Variants in PALS1 observed in about 807,000 individuals in gnomAD.
The protein encoded by PALS1 is protein associated with LIN7 1, MAGUK p55 family member.
In PALS1, 31 loss-of-function variants were observed where a neutral mutation model predicts 78.9. The observed-to-expected ratio is 0.39, with a 90% CI of 0.30 to 0.53. The LOEUF (loss-of-function observed/expected upper bound fraction) is 0.53, where lower values mean the gene tolerates loss of function less well. PALS1 is among the 20% of genes least tolerant of loss of function. PALS1 has a pLI of 0.67. For synonymous variants in PALS1, 276 were observed against 270.9 expected (o/e 1.02, Z -0.18); for missense variants, 704 against 826.5 (o/e 0.85, Z 1.82).
intron 3 of PALS1, 37 bp downstream of exon 3, chr14:67,279,574 CTTTAA>C (rs1440073032): frequency 4.7e-5 from 71 of 1,495,000 alleles, no homozygotes; most frequent in Non-Finnish European, 5.8e-5. Context: ...AAACATTTTG[CTTTAA>C]TTTATCTGTG....
At chr14:67,326,117 G>A in intron 14 of PALS1, among the ~76,000 whole-genome samples, 1 of 149,220 alleles carries the variant, frequency 6.7e-6, no homozygotes, top group East Asian at 2.0e-4. Flanking sequence ...GAGCCACCGT[G>A]CCCGGCCAGC....
intron 8 of PALS1, 40 bp from the exon 9 acceptor site, chr14:67,312,487 A>C (rs1399432724): frequency 7.2e-7 from 1 of 1,382,354 alleles, no homozygotes. Flanking sequence ...AACATTTTAT[A>C]TTGCCATTTA....
chr14:67,315,862 T>C (rs1244777582), intron 9 of PALS1, among the ~76,000 whole-genome samples: 1 of 152,164 alleles, frequency 6.6e-6, no homozygotes, highest in Non-Finnish European at 1.5e-5. Context: ...AAGGCGGAGG[T>C]TGCGGTGAGC....
intron 4 of PALS1, among the ~76,000 whole-genome samples, chr14:67,297,374 TTAA>T (rs1253055725): frequency 3.3e-5 from 5 of 152,220 alleles, no homozygotes; most frequent in African/African-American, 1.2e-4. Context: ...AATGGAAGAA[TTAA>T]TAAACTATTA....
intron 1 of PALS1, among the ~76,000 whole-genome samples, chr14:67,268,498 T>C (rs2084364591): frequency 6.6e-6 from 1 of 152,184 alleles, no homozygotes; most frequent in Non-Finnish European, 1.5e-5. Flanking sequence ...TACTTCTTGA[T>C]TATATTCTAA....
At position 67,289,768 on chromosome 14, in the gene PALS1, C is replaced by CTTTTTTTT. The variant is rs1491090879; in HGVS notation, c.368-2743_368-2742insTTTTTTTT. Reference sequence around the variant, plus strand: ...ACATTGGGAAGATTTTTTTCCATGTCCTTTTTTTTTTTTTTTTTTTTTGAG... The same window carrying CTTTTTTTT: ...ACATTGGGAAGATTTTTTTCCATGTCTTTTTTTTCTTTTTTTTTTTTTTTTTTTTTGAG... On this transcript the variant is annotated intron_variant, in intron 3 of 14. Transcript: ENST00000261681. 3.1e-5 allele frequency among the ~76,000 whole-genome samples: 3 copies of CTTTTTTTT among 95,508 alleles called. 1 individual carries two copies. Among genetic ancestry groups the CTTTTTTTT allele is most frequent in the Non-Finnish European group, 6.4e-5 (3 of 46,860 alleles). The allele number at this position is 95,508 out of a possible 152,430, so 62.7% of individuals were successfully genotyped here.
intron 1 of PALS1, among the ~76,000 whole-genome samples, chr14:67,265,142 C>T (rs1278914207): frequency 6.6e-6 from 1 of 152,098 alleles, no homozygotes; most frequent in Admixed American, 6.6e-5. Context: ...GCAGTTGTTT[C>T]TTTGGAATGT....
At chr14:67,316,531 A>C (rs568268773) in intron 9 of PALS1, among the ~76,000 whole-genome samples, 8 of 152,350 alleles carry the variant, frequency 5.3e-5, no homozygotes, top group African/African-American at 1.9e-4. Context: ...CCAGGATAGT[A>C]CTTTTCCACA....
chr14:67,302,666 C>T (rs1236739586), intron 7 of PALS1, 95 bp downstream of exon 7: 1 of 972,262 alleles, frequency 1.0e-6, no homozygotes, highest in Non-Finnish European at 1.4e-6. Context: ...GTTAAGAGCA[C>T]TAGATGATTT....
intron 4 of PALS1, among the ~76,000 whole-genome samples, chr14:67,295,400 GA>G (rs2084833129): frequency 6.6e-6 from 1 of 151,216 alleles, no homozygotes; most frequent in Non-Finnish European, 1.5e-5. Flanking sequence ...TGAGGCAGGA[GA>G]ATCACTTAAA....
At chr14:67,293,618 G>A (rs781000694) in intron 4 of PALS1, among the ~76,000 whole-genome samples, 6 of 151,970 alleles carry the variant, frequency 3.9e-5, no homozygotes, top group Non-Finnish European at 7.4e-5. Context: ...CTTTTCTTAC[G>A]GAGATTGAAA....
intron 8 of PALS1, among the ~76,000 whole-genome samples, chr14:67,305,463 G>A (rs1306129677): frequency 6.6e-6 from 1 of 152,040 alleles, no homozygotes; most frequent in Non-Finnish European, 1.5e-5. Context: ...TGTACTTTTG[G>A]TAGAGATGGC....
intron 10 of PALS1, 75 bp from the exon 11 acceptor site, chr14:67,317,333 A>G: frequency 8.1e-7 from 1 of 1,239,294 alleles, no homozygotes; most frequent in East Asian, 2.4e-5. Context: ...ATGAATAAAT[A>G]GAGTTCTTCA....
chr14:67,259,468 CG>C (rs1472529907), intron 1 of PALS1, among the ~76,000 whole-genome samples: 3 of 151,756 alleles, frequency 2.0e-5, no homozygotes, highest in Non-Finnish European at 4.4e-5. Flanking sequence ...AAAAATCAGC[CG>C]GGTGTAGTGT....
chr14:67,256,193 T>C (rs141659082), intron 1 of PALS1, among the ~76,000 whole-genome samples: 1,732 of 152,346 alleles, frequency 0.011, 17 homozygotes, highest in Non-Finnish European at 0.018. Context: ...AGATATTAGT[T>C]GAAAACAATA....
chr14:67,264,788 A>G (rs2084293504), intron 1 of PALS1, among the ~76,000 whole-genome samples: 1 of 152,202 alleles, frequency 6.6e-6, no homozygotes, highest in South Asian at 2.1e-4. Context: ...TTGTAAACTA[A>G]ATCTTTCAGT....
intron 1 of PALS1, among the ~76,000 whole-genome samples, chr14:67,248,229 A>G (rs1240327197): frequency 1.3e-5 from 2 of 152,164 alleles, no homozygotes; most frequent in Non-Finnish European, 2.9e-5. Flanking sequence ...ATTAACATTT[A>G]TTCTTAAAAA....
At chr14:67,283,017 A>G (rs987075816) in intron 3 of PALS1, among the ~76,000 whole-genome samples, 3 of 152,124 alleles carry the variant, frequency 2.0e-5, no homozygotes, top group African/African-American at 7.2e-5. Context: ...TGACTATAAA[A>G]TTGTTGTCTT....
rs1445891505 is a variant in PALS1, at chr14:67,332,820, T to C, written c.1892T>C (p.Met631Thr). ...GAAATCATTGAGAAGACAAGAGAGATGGAGCAGAACAATGGCCACTACTTT... is the reference window on the plus strand; with the variant it reads ...GAAATCATTGAGAAGACAAGAGAGACGGAGCAGAACAATGGCCACTACTTT... ...LREIIEKTRE[M>T]EQNNGHYFDT... Residue 631 changes from methionine to threonine, a missense_variant, in exon 15 of 15, where the codon ATG (methionine) becomes ACG (threonine). Physicochemically the swap from Met to Thr is moderately conservative, Grantham distance 81. Coordinates refer to ENST00000261681, the MANE Select transcript of PALS1 (RefSeq NM_022474.4). 6.2e-7 allele frequency: 1 copy of C among 1,613,498 alleles called. No homozygotes were observed. The highest frequency in any genetic ancestry group is 8.5e-7 in the Non-Finnish European group (1 of 1,179,590).
Sources: gnomAD v4.1 joint callset for allele counts (sites outside exome capture counted in the v4.1 genomes callset) on GRCh38, gnomAD v4.1.1 for gene constraint, MANE v1.5 for transcripts, NCBI Gene and HGNC (gene_info 2026-07-23, HGNC 2026-07-21) for gene names.